The following STAG1 variants were observed in gnomAD, a reference collection of about 807,000 sequenced individuals.
STAG1 encodes cohesin subunit SA-1.
A neutral mutation model predicts 170.9 loss-of-function variants in STAG1; 26 were observed. The ratio of observed to expected loss-of-function variants is 0.15; its 90% CI spans 0.11 to 0.21. The LOEUF (loss-of-function observed/expected upper bound fraction) is 0.21, where lower values mean the gene tolerates loss of function less well. Ranked by LOEUF, STAG1 falls within the 10% of genes least tolerant of loss-of-function variation. STAG1 has a pLI of 1.00. For synonymous variants in STAG1, 514 were observed against 497.7 expected (o/e 1.03, Z -0.44); for missense variants, 964 against 1,509.5 (o/e 0.64, Z 5.99).
intron 29 of STAG1, among the ~76,000 whole-genome samples, chr3:136,347,783 CTG>C (rs1295733820): frequency 6.6e-6 from 1 of 152,166 alleles, no homozygotes; most frequent in Non-Finnish European, 1.5e-5. Flanking sequence ...GTGCTCAGTA[CTG>C]TGTGTATACT....
At chr3:136,651,706 T>C (rs1941221300) in intron 1 of STAG1, among the ~76,000 whole-genome samples, 1 of 152,248 alleles carries the variant, frequency 6.6e-6, no homozygotes, top group East Asian at 1.9e-4. Context: ...GAGATGATCA[T>C]ATGTAGACTA....
At chr3:136,617,614 T>C (rs779276241) in intron 3 of STAG1, among the ~76,000 whole-genome samples, 15 of 152,234 alleles carry the variant, frequency 9.9e-5, no homozygotes, top group African/African-American at 1.4e-4. Flanking sequence ...TTGGTACTTT[T>C]ACTCTCTATT....
chr3:136,656,165 A>T (rs567517105), intron 1 of STAG1, among the ~76,000 whole-genome samples: 2 of 131,120 alleles, frequency 1.5e-5, no homozygotes, highest in South Asian at 2.3e-4. Context: ...GCAAAAAAAT[A>T]AAAAAAAAAA....
chr3:136,341,903 C>A (rs927078973), intron 30 of STAG1, among the ~76,000 whole-genome samples: 4 of 152,188 alleles, frequency 2.6e-5, no homozygotes, highest in Non-Finnish European at 4.4e-5. Context: ...GCTGAAAGTT[C>A]TCCAGAATTC....
chr3:136,584,543 T>A (rs1311560497), intron 4 of STAG1, among the ~76,000 whole-genome samples: 1 of 152,188 alleles, frequency 6.6e-6, no homozygotes, highest in African/African-American at 2.4e-5. Context: ...CCTCCTTCCA[T>A]GCCCAGTCAC....
chr3:136,363,555 G>T (rs878901761), intron 25 of STAG1, 88 bp from the exon 26 acceptor site: 569 of 290,822 alleles, frequency 2.0e-3, no homozygotes, highest in Middle Eastern at 7.5e-3. Context: ...CTTTGAAAAT[G>T]AAAAAAAAAA....
intron 4 of STAG1, among the ~76,000 whole-genome samples, chr3:136,593,975 C>T (rs1938306673): frequency 6.6e-6 from 1 of 152,152 alleles, no homozygotes; most frequent in African/African-American, 2.4e-5. Context: ...GTCTCAGTAT[C>T]ATTTGTTTAT....
intron 23 of STAG1, among the ~76,000 whole-genome samples, chr3:136,374,059 C>G (rs1184184645): frequency 6.6e-6 from 1 of 152,148 alleles, no homozygotes; most frequent in Non-Finnish European, 1.5e-5. Context: ...GGATACTTAG[C>G]TCTTCTTGTT....
At chr3:136,393,397 C>A (rs1482510915) in intron 22 of STAG1, among the ~76,000 whole-genome samples, 1 of 152,048 alleles carries the variant, frequency 6.6e-6, no homozygotes, top group East Asian at 1.9e-4. Context: ...CCCAGCTACT[C>A]AGGAGAGGCT....
chr3:136,615,382 C>T (rs536950213), intron 3 of STAG1, among the ~76,000 whole-genome samples: 2 of 127,038 alleles, frequency 1.6e-5, no homozygotes, highest in Admixed American at 1.0e-4. Context: ...GAGCTGAGAT[C>T]GTGTCACTGC....
chr3:136,604,224 T>A, intron 4 of STAG1, 85 bp downstream of exon 4: 1 of 1,230,306 alleles, frequency 8.1e-7, no homozygotes, highest in Non-Finnish European at 1.1e-6. Flanking sequence ...CAGAAGTATA[T>A]AAAGTGCCAA....
At chr3:136,733,882 C>T (rs1196874724) in intron 1 of STAG1, among the ~76,000 whole-genome samples, 17 of 152,216 alleles carry the variant, frequency 1.1e-4, no homozygotes, top group Non-Finnish European at 2.4e-4. Context: ...CCAAGGCGGG[C>T]GGATCACAAG....
chr3:136,747,774 G>A (rs1435174511), intron 1 of STAG1, among the ~76,000 whole-genome samples: 3 of 151,326 alleles, frequency 2.0e-5, no homozygotes, highest in East Asian at 2.0e-4. Flanking sequence ...CAAGAATTAC[G>A]TAATTTTTTT....
intron 1 of STAG1, among the ~76,000 whole-genome samples, chr3:136,701,058 T>G (rs1357638691): frequency 6.6e-6 from 1 of 151,310 alleles, no homozygotes; most frequent in Admixed American, 6.6e-5. Context: ...ATTTTTGTAT[T>G]TTTAGTAGAG....
intron 13 of STAG1, among the ~76,000 whole-genome samples, chr3:136,456,453 T>C (rs564657904): frequency 6.6e-6 from 1 of 152,126 alleles, no homozygotes; most frequent in East Asian, 1.9e-4. Context: ...CTTATGAAAT[T>C]ACCTAGTCAG....
chr3:136,490,644 T>A (rs2090107528), intron 9 of STAG1, among the ~76,000 whole-genome samples: 1 of 152,158 alleles, frequency 6.6e-6, no homozygotes, highest in South Asian at 2.1e-4. Context: ...CCACATTAGA[T>A]CAAAGATGAA....
chr3:136,527,932 T>A (rs959035303), intron 6 of STAG1, among the ~76,000 whole-genome samples: 1 of 152,162 alleles, frequency 6.6e-6, no homozygotes, highest in Non-Finnish European at 1.5e-5. Flanking sequence ...TGCCACCTGA[T>A]TGTTCCTCGG....
chr3:136,375,298 T>C (rs1466720806), intron 23 of STAG1, among the ~76,000 whole-genome samples: 1 of 152,230 alleles, frequency 6.6e-6, no homozygotes, highest in African/African-American at 2.4e-5. Flanking sequence ...AAATTTGCCC[T>C]ATTTAATGGA....
Position 136,363,551 on chromosome 3 carries a change from A to T in STAG1, c.2686-84T>A, listed in dbSNP as rs559957785. 121 of 474,840 alleles carry T rather than the reference A, an allele frequency of 2.5e-4. 2 individuals carry two copies. The South Asian group carries it at 5.6e-3, about 22-fold the overall frequency. The allele number at this position is 474,840 out of a possible 1,614,324, so 29.4% of individuals were successfully genotyped here. A position where few individuals can be genotyped will look rare whatever the true frequency, so the allele number is the denominator to read the frequency against. On this transcript the variant is annotated intron_variant, in intron 25 of 33. Transcript: ENST00000383202. ...AATAGGTTGGTGTCACCTCCTTTGA[A>T]AATGAAAAAAAAAAAAAAAGAACAG...
Sources: allele counts gnomAD v4.1 joint callset (sites outside exome capture counted in the v4.1 genomes callset), GRCh38; gene constraint gnomAD v4.1.1; transcripts MANE v1.5; gene names NCBI Gene and HGNC (gene_info 2026-07-23, HGNC 2026-07-21).